Variants in RPL7 observed in about 807,000 individuals in gnomAD.
RPL7 encodes ribosomal protein L7.
For missense variants in RPL7, 205 were observed against 301.9 expected, an observed-to-expected ratio of 0.68 and a Z score of 2.38; for synonymous variants, 100 against 102.2, an observed-to-expected ratio of 0.98 and a Z score of 0.13.
At chr8:73,292,517 T>A in intron 2 of RPL7, 112 bp from the exon 3 acceptor site, 1 of 1,159,444 alleles carries the variant, frequency 8.6e-7, no homozygotes, top group Non-Finnish European at 1.2e-6. Context: ...CTTGCCACAG[T>A]ATGCAATTAC....
intron 3 of RPL7, 48 bp downstream of exon 3, chr8:73,292,191 T>TG (rs1371616021): frequency 6.6e-7 from 1 of 1,518,302 alleles, no homozygotes; most frequent in East Asian, 2.3e-5. Context: ...TGTGAAGGTT[T>TG]TTTTTTTTTT....
chr8:73,293,312 G>A (rs1057418927), intron 1 of RPL7: 5 of 455,120 alleles, frequency 1.1e-5, no homozygotes, highest in East Asian at 4.1e-5. Context: ...GAGGTTCTGC[G>A]CCTCCCCCGA....
chr8:73,292,201 T>TC, intron 3 of RPL7, 38 bp downstream of exon 3: 2 of 1,556,744 alleles, frequency 1.3e-6, no homozygotes, highest in South Asian at 1.2e-5. Context: ...TTTTTTTTTT[T>TC]TCCCATTCAA....
chr8:73,293,043 A>C (rs1381300623), intron 1 of RPL7: 2 of 377,872 alleles, frequency 5.3e-6, no homozygotes, highest in Non-Finnish European at 9.4e-6. Context: ...CCCTATTTCA[A>C]CCAAGAGGCC....
At chr8:73,292,200 T>TA in intron 3 of RPL7, 39 bp downstream of exon 3, 1 of 1,554,630 alleles carries the variant, frequency 6.4e-7, no homozygotes, top group Non-Finnish European at 8.7e-7. Context: ...TTTTTTTTTT[T>TA]TTCCCATTCA....
At chr8:73,293,817 G>T (rs891539760), upstream of RPL7, 2 of 598,822 alleles carry the variant, frequency 3.3e-6, no homozygotes, top group Admixed American at 6.0e-5. Flanking sequence ...GAAAATATAT[G>T]CATTTGATTA....
chr8:73,291,669 G>T lies in RPL7; in HGVS notation c.429-8C>A. On this transcript the variant is annotated splice_region_variant and splice_polypyrimidine_tract_variant and intron_variant, in intron 4 of 6. Transcript: ENST00000352983. ...GACTTCAGATTGGGGTACCTGAAGT[G>T]AAAAAGCAAACATAAATAAGGTGAC... 6.3e-7 allele frequency: 1 copy of T among 1,590,320 alleles called. No homozygotes were observed. Among genetic ancestry groups the T allele is most frequent in the Non-Finnish European group, 8.6e-7 (1 of 1,161,266 alleles).
chr8:73,292,959 G>A, intron 1 of RPL7, 162 bp from the exon 2 acceptor site: 1 of 502,050 alleles, frequency 2.0e-6, no homozygotes. Flanking sequence ...GCATATTTTA[G>A]CTCCATGTCA....
chr8:73,291,711 A>C, intron 4 of RPL7, 50 bp from the exon 5 acceptor site: 1 of 1,591,032 alleles, frequency 6.3e-7, no homozygotes, highest in East Asian at 2.3e-5. Flanking sequence ...TAAAACATCT[A>C]AAATTCATGT....
In RPL7 at chr8:73,292,683, A is replaced by G; in HGVS notation, c.123+6T>C. The stretch of plus-strand genomic sequence containing the variant: ...TATGTGCTAGTGCCTCAAAAAGTTT[A>G]CTTACCATCTTTTGGGCAAACTTCT... On this transcript the variant is annotated splice_donor_region_variant and intron_variant, in intron 2 of 6. Transcript: ENST00000352983. 3 of 1,605,308 alleles carry G rather than the reference A, an allele frequency of 1.9e-6. No homozygotes were observed. Among genetic ancestry groups the G allele is most frequent in the East Asian group, 4.5e-5 (2 of 44,850 alleles).
intron 1 of RPL7, chr8:73,293,373 A>G (rs1473095516): frequency 1.9e-6 from 1 of 539,530 alleles, no homozygotes; most frequent in South Asian, 2.0e-5. Flanking sequence ...GGTTCCACAC[A>G]CATTCCAACC....
chr8:73,293,704 A>G, upstream of RPL7: 1 of 1,514,418 alleles, frequency 6.6e-7, no homozygotes, highest in Non-Finnish European at 9.0e-7. Flanking sequence ...GGTGTCTTAG[A>G]ATAAGCCGGA....
rs773922788 is a variant in RPL7, at chr8:73,292,816, A to C, written c.15-19T>G. The C allele has an allele frequency of 1.2e-5, 18 of 1,554,534 alleles. 1 individual carries two copies. In the South Asian group the frequency reaches 2.0e-4, roughly 18 times the overall value. On this transcript the variant is annotated intron_variant, in intron 1 of 6. Transcript: ENST00000352983. ...CTTCTCTCTAACGTTAATAAACAAA[A>C]ATGTTATCAATAGCTCAAAAAGCTC...
intron 3 of RPL7, 42 bp from the exon 4 acceptor site, chr8:73,291,952 A>G (rs758424767): frequency 3.6e-5 from 57 of 1,599,820 alleles, no homozygotes; most frequent in Non-Finnish European, 4.5e-5. Flanking sequence ...CCTTTCATCG[A>G]AATTTTTATT....
intron 6 of RPL7, 54 bp from the exon 7 acceptor site, chr8:73,290,759 C>T: frequency 3.0e-6 from 1 of 328,434 alleles, no homozygotes; most frequent in Non-Finnish European, 5.6e-6. Context: ...TAACAATTAA[C>T]ATAAACTAGG....
chr8:73,290,315 G>A lies in RPL7; in HGVS notation c.*392C>T, dbSNP rs561672894. On this transcript the variant is annotated 3_prime_UTR_variant, in exon 7 of 7. Coordinates refer to ENST00000352983, the MANE Select transcript of RPL7 (RefSeq NM_000971.4). ...GCGAAGGCCCGAGAAATAAATTTTAGCAACTAAATTCAATTTTTTCCATAA... is the reference window on the plus strand; with the variant it reads ...GCGAAGGCCCGAGAAATAAATTTTAACAACTAAATTCAATTTTTTCCATAA... The A allele has an allele frequency of 6.6e-6, 1 of 152,244 alleles. No homozygotes were observed. The highest frequency in any genetic ancestry group is 1.9e-4 in the East Asian group (1 of 5,192). 9.4% of individuals were successfully genotyped at this position (152,244 alleles called of 1,614,324 possible). A position where few individuals can be genotyped will look rare whatever the true frequency, so the allele number is the denominator to read the frequency against.
chr8:73,292,125 G>T, intron 3 of RPL7, 114 bp downstream of exon 3: 1 of 1,175,202 alleles, frequency 8.5e-7, no homozygotes, highest in Non-Finnish European at 1.2e-6. Context: ...CCTTGTTCTA[G>T]CTTCCCCTAA....
At chr8:73,292,431 T>G in intron 2 of RPL7, 26 bp from the exon 3 acceptor site, 1 of 1,577,270 alleles carries the variant, frequency 6.3e-7, no homozygotes, top group Non-Finnish European at 8.6e-7. Flanking sequence ...CAGTTATTCA[T>G]AATTTTTAGC....
intron 1 of RPL7, 70 bp downstream of exon 1, chr8:73,293,527 GAA>G: frequency 6.3e-7 from 1 of 1,588,090 alleles, no homozygotes; most frequent in Non-Finnish European, 8.6e-7. Context: ...GCCAGAGAGA[GAA>G]AAAGTGACAC....
Sources: allele counts gnomAD v4.1 joint callset, GRCh38; gene constraint gnomAD v4.1.1; transcripts MANE v1.5; gene names NCBI Gene and HGNC (gene_info 2026-07-23, HGNC 2026-07-21).